Variants in UMAD1 observed in about 807,000 individuals in gnomAD.
UMAD1 encodes UBAP1-MVB12-associated (UMA) domain containing 1.
In UMAD1, 8 loss-of-function variants were observed where a neutral mutation model predicts 6.1. The ratio of observed to expected loss-of-function variants is 1.30; its 90% CI spans 0.76 to 2.35. The LOEUF is 2.35. Ranked by LOEUF, UMAD1 falls within the 30% of genes most tolerant of loss-of-function variation. The probability of loss-of-function intolerance (pLI) is 0.00; values close to 1 mark genes in which losing one functional copy is unlikely to be tolerated. For synonymous variants in UMAD1, 56 were observed against 31.4 expected, an observed-to-expected ratio of 1.78 and a Z score of -2.61; for missense variants, 130 against 78.4, an observed-to-expected ratio of 1.66 and a Z score of -2.49.
chr7:7,866,765 G>A (rs1319651968), intron 3 of UMAD1, among the ~76,000 whole-genome samples: 2 of 152,178 alleles, frequency 1.3e-5, no homozygotes, highest in Non-Finnish European at 2.9e-5. Flanking sequence ...GTGATAAGGA[G>A]TTTGGTCTTT....
intron 2 of UMAD1, among the ~76,000 whole-genome samples, chr7:7,761,363 T>TAAAAAA (rs375910269): frequency 8.3e-6 from 1 of 121,146 alleles, no homozygotes. Context: ...GAGACCTAAC[T>TAAAAAA]AAAAAAAAAA....
chr7:7,698,795 A>C (rs541482623), intron 2 of UMAD1, among the ~76,000 whole-genome samples: 1 of 152,028 alleles, frequency 6.6e-6, no homozygotes, highest in Non-Finnish European at 1.5e-5. Flanking sequence ...ATTCATCTCA[A>C]AGTGATTTGG....
At chr7:7,741,500 C>T (rs899315603) in intron 2 of UMAD1, among the ~76,000 whole-genome samples, 9 of 151,316 alleles carry the variant, frequency 5.9e-5, no homozygotes, top group African/African-American at 1.7e-4. Flanking sequence ...TGGCGTGAAC[C>T]CAGGAGGCGG....
chr7:7,661,219 C>CT (rs1785466763), intron 1 of UMAD1, among the ~76,000 whole-genome samples: 1 of 152,062 alleles, frequency 6.6e-6, no homozygotes, highest in Non-Finnish European at 1.5e-5. Context: ...TTCATCTAAC[C>CT]TTTTTTTCCA....
intron 2 of UMAD1, among the ~76,000 whole-genome samples, chr7:7,772,781 A>G (rs1782126228): frequency 6.6e-6 from 1 of 152,164 alleles, no homozygotes; most frequent in African/African-American, 2.4e-5. Context: ...AGAACTTTAG[A>G]TGGTAGGGTA....
At chr7:7,704,757 A>C (rs1316496471) in intron 2 of UMAD1, among the ~76,000 whole-genome samples, 1 of 113,728 alleles carries the variant, frequency 8.8e-6, no homozygotes, top group Non-Finnish European at 1.7e-5. Flanking sequence ...ACAGAGCGAG[A>C]CTCCATCTCA....
intron 3 of UMAD1, among the ~76,000 whole-genome samples, chr7:7,831,074 A>G (rs1783456078): frequency 6.6e-6 from 1 of 152,166 alleles, no homozygotes; most frequent in Non-Finnish European, 1.5e-5. Context: ...TGCATTTATA[A>G]GGAAAATTAT....
intron 3 of UMAD1, among the ~76,000 whole-genome samples, chr7:7,853,557 A>G (rs1473744860): frequency 6.6e-6 from 1 of 151,450 alleles, no homozygotes; most frequent in Non-Finnish European, 1.5e-5. Flanking sequence ...TAATCATGTT[A>G]TTATTTTTGA....
In UMAD1 at chr7:7,745,286, A is replaced by T. The variant is rs527888410; in HGVS notation, c.83-56384A>T. On this transcript the variant is annotated intron_variant, in intron 2 of 3. Transcript: ENST00000682710. ...GGAAGAAAATACACGTATAGTGTAC[A>T]CCTGCAGTTCAAACCTGTGTTGTTC... 1.1e-3 allele frequency among the ~76,000 whole-genome samples: 163 copies of T among 152,274 alleles called. 1 individual carries two copies. Among genetic ancestry groups the T allele is most frequent in the African/African-American group, 3.7e-3 (153 of 41,562 alleles).
intron 2 of UMAD1, among the ~76,000 whole-genome samples, chr7:7,696,092 AC>A (rs1780310340): frequency 6.7e-6 from 1 of 148,262 alleles, no homozygotes. Context: ...TGCAGCCTCT[AC>A]CTCCTGGGTT....
intron 2 of UMAD1, among the ~76,000 whole-genome samples, chr7:7,741,611 T>A (rs1056346865): frequency 2.1e-5 from 3 of 141,270 alleles, no homozygotes; most frequent in African/African-American, 8.0e-5. Context: ...ATAATAATAA[T>A]AATAAAAATA....
intron 2 of UMAD1, among the ~76,000 whole-genome samples, chr7:7,753,627 A>G (rs966275587): frequency 6.7e-4 from 101 of 149,750 alleles, no homozygotes; most frequent in African/African-American, 2.5e-3. Context: ...TGGCTGAATC[A>G]TACTCCATTG....
At chr7:7,745,451 C>T (rs1054667992) in intron 2 of UMAD1, among the ~76,000 whole-genome samples, 1 of 152,184 alleles carries the variant, frequency 6.6e-6, no homozygotes, top group Non-Finnish European at 1.5e-5. Context: ...GGCCTCTGTG[C>T]TGGCCAAATC....
At chr7:7,748,382 A>G (rs1781614977) in intron 2 of UMAD1, among the ~76,000 whole-genome samples, 1 of 152,178 alleles carries the variant, frequency 6.6e-6, no homozygotes, top group Non-Finnish European at 1.5e-5. Flanking sequence ...TTCAATATGC[A>G]TTTATAAAAT....
At chr7:7,692,988 G>T (rs1257352835) in intron 2 of UMAD1, among the ~76,000 whole-genome samples, 2 of 152,152 alleles carry the variant, frequency 1.3e-5, no homozygotes, top group Non-Finnish European at 2.9e-5. Flanking sequence ...GCTGTAGGAG[G>T]AAAAACATTT....
intron 2 of UMAD1, chr7:7,741,139 C>T (rs1160209563): frequency 1.3e-5 from 2 of 152,014 alleles, no homozygotes; most frequent in African/African-American, 4.8e-5. Flanking sequence ...ACATAAACTT[C>T]TTCAGGTTAT....
At chr7:7,660,589 G>A (rs1362538593) in intron 1 of UMAD1, among the ~76,000 whole-genome samples, 2 of 152,192 alleles carry the variant, frequency 1.3e-5, no homozygotes, top group African/African-American at 4.8e-5. Flanking sequence ...ATGAAATTCT[G>A]TGTTGAAACT....
At chr7:7,686,111 A>G (rs1041943470) in intron 2 of UMAD1, 2 of 152,294 alleles carry the variant, frequency 1.3e-5, no homozygotes, top group Middle Eastern at 3.4e-3. Context: ...CAGTATTTTT[A>G]TGCATACTGA....
At chr7:7,700,963 T>C (rs1280407909) in intron 2 of UMAD1, among the ~76,000 whole-genome samples, 4 of 152,040 alleles carry the variant, frequency 2.6e-5, no homozygotes, top group Non-Finnish European at 5.9e-5. Flanking sequence ...GGCAAGAGAA[T>C]TGCTTGAGCC....
Sources: gnomAD v4.1 joint callset for allele counts (sites outside exome capture counted in the v4.1 genomes callset) on GRCh38, gnomAD v4.1.1 for gene constraint, MANE v1.5 for transcripts, NCBI Gene and HGNC (gene_info 2026-07-23, HGNC 2026-07-21) for gene names.